SUPT3H: variants seen among roughly 807,000 people sequenced by gnomAD.
The protein encoded by SUPT3H is transcription initiation protein SPT3 homolog.
SUPT3H carries 44 observed loss-of-function variants against 44.3 expected under a neutral mutation model. The ratio of observed to expected loss-of-function variants is 0.99; its 90% CI spans 0.78 to 1.28. The LOEUF is 1.28. SUPT3H is among the 50% of genes most tolerant of loss of function. The pLI is 0.00. For synonymous variants in SUPT3H, 124 were observed against 125.6 expected (o/e 0.99, Z 0.09); for missense variants, 380 against 387.1 (o/e 0.98, Z 0.15).
intron 9 of SUPT3H, among the ~76,000 whole-genome samples, chr6:44,949,737 G>GTA (rs1773981916): frequency 6.6e-6 from 1 of 152,106 alleles, no homozygotes; most frequent in South Asian, 2.1e-4. Context: ...CACTTAAACT[G>GTA]TTATCAGAAA....
intron 3 of SUPT3H, among the ~76,000 whole-genome samples, chr6:45,046,415 C>T (rs1430545404): frequency 6.6e-6 from 1 of 152,170 alleles, no homozygotes; most frequent in Non-Finnish European, 1.5e-5. Context: ...ACTGCAACCT[C>T]CGCCTGCCAG....
chr6:45,227,224 T>C (rs1214904433), intron 2 of SUPT3H, among the ~76,000 whole-genome samples: 1 of 151,616 alleles, frequency 6.6e-6, no homozygotes, highest in Non-Finnish European at 1.5e-5. Flanking sequence ...TGAAGGAAAC[T>C]AGAATATGTT....
At chr6:45,117,303 T>C (rs1800987588) in intron 2 of SUPT3H, among the ~76,000 whole-genome samples, 2 of 152,078 alleles carry the variant, frequency 1.3e-5, no homozygotes. Flanking sequence ...GTCTGAAATA[T>C]AACTCTCCAT....
chr6:45,305,684 A>T (rs150230637), intron 2 of SUPT3H, among the ~76,000 whole-genome samples: 1 of 152,228 alleles, frequency 6.6e-6, no homozygotes, highest in African/African-American at 2.4e-5. Flanking sequence ...TCCTTGCCTT[A>T]AAAATCCAAT....
intron 2 of SUPT3H, among the ~76,000 whole-genome samples, chr6:45,347,150 T>G (rs1003492737): frequency 6.6e-6 from 1 of 152,176 alleles, no homozygotes; most frequent in Non-Finnish European, 1.5e-5. Flanking sequence ...ATTATTTACA[T>G]GTATCATATT....
rs911328867 is a variant in SUPT3H at position 45,177,676 on chromosome 6, C to T, written c.102-71670G>A. ...GTTAAGGGCAGCCACAGAGAAAGGT[C>T]GGGTTAGCCTCAAAGGGAAGCCCAT... On this transcript the variant is annotated intron_variant, in intron 2 of 10. Coordinates refer to ENST00000371459, the MANE Select transcript of SUPT3H (RefSeq NM_003599.4). Among the ~76,000 whole-genome samples, 8 of 151,174 alleles carry T rather than the reference C, an allele frequency of 5.3e-5. No homozygotes were observed. The East Asian group carries it at 9.7e-4, about 18-fold the overall frequency.
At chr6:44,940,069 T>C (rs1219140465) in intron 9 of SUPT3H, among the ~76,000 whole-genome samples, 2 of 152,092 alleles carry the variant, frequency 1.3e-5, no homozygotes, top group Non-Finnish European at 2.9e-5. Context: ...CAGGTCTTTG[T>C]TATTTCTTCT....
chr6:45,301,314 T>C (rs1782110863), intron 2 of SUPT3H, among the ~76,000 whole-genome samples: 1 of 152,246 alleles, frequency 6.6e-6, no homozygotes, highest in African/African-American at 2.4e-5. Flanking sequence ...TTGAAACTTA[T>C]TCTCTTTACC....
chr6:45,007,915 T>C (rs1164562807), intron 5 of SUPT3H, among the ~76,000 whole-genome samples: 3 of 152,178 alleles, frequency 2.0e-5, no homozygotes, highest in African/African-American at 7.2e-5. Context: ...TCCAGACATT[T>C]CATATAAATA....
At chr6:44,876,836 G>GAAAAAAA (rs200454659) in intron 10 of SUPT3H, among the ~76,000 whole-genome samples, 1 of 92,240 alleles carries the variant, frequency 1.1e-5, no homozygotes. Flanking sequence ...ATCTTCAATT[G>GAAAAAAA]AAAAAAAAAA....
intron 3 of SUPT3H, among the ~76,000 whole-genome samples, chr6:45,037,203 T>C (rs1323886220): frequency 1.3e-5 from 2 of 151,566 alleles, no homozygotes; most frequent in Non-Finnish European, 2.9e-5. Flanking sequence ...CGATGACCAA[T>C]AAATTAACTG....
At chr6:44,907,964 A>T (rs980075139) in intron 10 of SUPT3H, among the ~76,000 whole-genome samples, 8 of 152,176 alleles carry the variant, frequency 5.3e-5, no homozygotes, top group African/African-American at 1.9e-4. Context: ...ATGGTAAAGT[A>T]AGGAACTGTG....
intron 3 of SUPT3H, among the ~76,000 whole-genome samples, chr6:45,068,228 C>G (rs1158268227): frequency 6.8e-6 from 1 of 147,632 alleles, no homozygotes; most frequent in African/African-American, 2.5e-5. Flanking sequence ...AAACCAAACA[C>G]GGCATATTCT....
At chr6:44,895,083 T>A (rs1163091782) in intron 10 of SUPT3H, among the ~76,000 whole-genome samples, 3 of 152,074 alleles carry the variant, frequency 2.0e-5, no homozygotes, top group Non-Finnish European at 4.4e-5. Context: ...CTTTAACATT[T>A]ATTTTTTTCC....
At chr6:44,887,869 T>C (rs957113315) in intron 10 of SUPT3H, among the ~76,000 whole-genome samples, 1 of 151,810 alleles carries the variant, frequency 6.6e-6, no homozygotes. Context: ...GATAGACTGC[T>C]AGCAAGACTA....
At chr6:45,355,599 G>C (rs774341073) in intron 2 of SUPT3H, among the ~76,000 whole-genome samples, 1 of 151,870 alleles carries the variant, frequency 6.6e-6, no homozygotes, top group African/African-American at 2.4e-5. Context: ...ATTTTTCTTT[G>C]TATCAATTTG....
rs147360077 is a variant in SUPT3H, at chr6:44,922,141, T to C, written c.912+10512A>G. Reference sequence around the variant, plus strand: ...TTTCTCTTCTCGCATCCTAGAGTCATGCAGAGGCAGTATGTGGGGATGGGA... The same window carrying C: ...TTTCTCTTCTCGCATCCTAGAGTCACGCAGAGGCAGTATGTGGGGATGGGA... On this transcript the variant is annotated intron_variant, in intron 10 of 10. Coordinates refer to ENST00000371459, the MANE Select transcript of SUPT3H (RefSeq NM_003599.4). Among the ~76,000 whole-genome samples the C allele has an allele frequency of 1.3e-3, 193 of 145,782 alleles. 1 individual carries two copies. The highest frequency in any genetic ancestry group is 7.2e-3 in the Middle Eastern group (2 of 278).
intron 1 of SUPT3H, among the ~76,000 whole-genome samples, chr6:45,376,056 G>C (rs1796733620): frequency 6.6e-6 from 1 of 152,156 alleles, no homozygotes; most frequent in South Asian, 2.1e-4. Flanking sequence ...AACCAAAGTG[G>C]TAAAAGATAG....
At chr6:45,320,725 G>A (rs1785357656) in intron 2 of SUPT3H, among the ~76,000 whole-genome samples, 1 of 152,118 alleles carries the variant, frequency 6.6e-6, no homozygotes, top group African/African-American at 2.4e-5. Context: ...TTTACTACCT[G>A]GCCTTTTAGA....
Sources: allele counts gnomAD v4.1 joint callset (sites outside exome capture counted in the v4.1 genomes callset), GRCh38; gene constraint gnomAD v4.1.1; transcripts MANE v1.5; gene names NCBI Gene and HGNC (gene_info 2026-07-23, HGNC 2026-07-21).